The following GRM5 variants were observed in gnomAD, a reference collection of about 807,000 sequenced individuals.
GRM5 encodes metabotropic glutamate receptor 5.
GRM5 carries 19 observed loss-of-function variants against 83.1 expected under a neutral mutation model. The observed-to-expected ratio is 0.23, with a 90% CI of 0.16 to 0.34. The LOEUF is 0.34. Ranked by LOEUF, GRM5 falls within the 10% of genes least tolerant of loss-of-function variation. The probability of loss-of-function intolerance (pLI) is 1.00; values close to 1 mark genes in which losing one functional copy is unlikely to be tolerated. For missense variants in GRM5, 1,160 were observed against 1,588.3 expected (o/e 0.73, Z 4.58); for synonymous variants, 675 against 633.6 (o/e 1.07, Z -0.98).
chr11:88,850,204 C>T (rs1944365824), intron 2 of GRM5, 49 bp from the exon 3 acceptor site: 1 of 803,306 alleles, frequency 1.2e-6, no homozygotes, highest in Non-Finnish European at 2.1e-6. Context: ...GAGAGTGTTG[C>T]ATTAATTGGG....
intron 2 of GRM5, among the ~76,000 whole-genome samples, chr11:88,884,891 A>G (rs1179916266): frequency 6.6e-6 from 1 of 151,846 alleles, no homozygotes; most frequent in Middle Eastern, 3.2e-3. Context: ...AGTTCATTAA[A>G]CCTTTTTCCT....
chr11:88,747,796 C>G (rs1386908493), intron 3 of GRM5, among the ~76,000 whole-genome samples: 1 of 145,708 alleles, frequency 6.9e-6, no homozygotes, highest in Non-Finnish European at 1.5e-5. Flanking sequence ...GTTCAACCAC[C>G]TTCTGCTTAG....
At chr11:88,714,306 G>C (rs1941351409) in intron 3 of GRM5, among the ~76,000 whole-genome samples, 2 of 151,878 alleles carry the variant, frequency 1.3e-5, no homozygotes, top group Admixed American at 1.3e-4. Context: ...GGGGTAGGAA[G>C]GTTTCTCAGT....
chr11:88,537,630 T>C (rs1019824691), intron 8 of GRM5, among the ~76,000 whole-genome samples: 27 of 152,192 alleles, frequency 1.8e-4, no homozygotes, highest in Admixed American at 3.9e-4. Context: ...TATTATGCAG[T>C]ACTATTGCAA....
chr11:88,535,870 C>T (rs892023334), intron 8 of GRM5, among the ~76,000 whole-genome samples: 3 of 152,072 alleles, frequency 2.0e-5, no homozygotes, highest in African/African-American at 4.8e-5. Flanking sequence ...AAATAATGCT[C>T]CTTTCTGTAT....
chr11:88,578,535 C>T (rs368956112), intron 7 of GRM5, among the ~76,000 whole-genome samples: 4 of 152,242 alleles, frequency 2.6e-5, no homozygotes, highest in East Asian at 3.9e-4. Context: ...CATTTTTCAT[C>T]GAGTGGTTTC....
chr11:88,566,916 G>C, intron 8 of GRM5, 137 bp downstream of exon 8: 2 of 606,608 alleles, frequency 3.3e-6, no homozygotes, highest in Non-Finnish European at 5.8e-6. Flanking sequence ...CATTTTATGA[G>C]AAGGTCCATG....
At chr11:88,516,328 G>T (rs895946166) in intron 9 of GRM5, among the ~76,000 whole-genome samples, 17 of 152,086 alleles carry the variant, frequency 1.1e-4, no homozygotes, top group African/African-American at 4.1e-4. Context: ...CATTCCCATT[G>T]TCTGTGTACT....
chr11:88,818,328 A>G (rs920995171), intron 3 of GRM5, among the ~76,000 whole-genome samples: 1 of 152,100 alleles, frequency 6.6e-6, no homozygotes, highest in African/African-American at 2.4e-5. Flanking sequence ...AGCCTGTGAC[A>G]TTCCTCAAAT....
chr11:89,015,121 T>A (rs2135098003), intron 2 of GRM5, among the ~76,000 whole-genome samples: 1 of 152,374 alleles, frequency 6.6e-6, no homozygotes, highest in South Asian at 2.1e-4. Context: ...ACTTAATATT[T>A]ATTTGAACTT....
chr11:88,691,569 C>T (rs1940781179), intron 3 of GRM5, among the ~76,000 whole-genome samples: 1 of 152,180 alleles, frequency 6.6e-6, no homozygotes, highest in South Asian at 2.1e-4. Flanking sequence ...CTCACCTTCT[C>T]TTTGCTATGT....
At chr11:88,994,071 A>T (rs993483408) in intron 2 of GRM5, among the ~76,000 whole-genome samples, 1 of 152,132 alleles carries the variant, frequency 6.6e-6, no homozygotes, top group African/African-American at 2.4e-5. Flanking sequence ...GCATTCAGTT[A>T]CTAACAATGA....
intron 3 of GRM5, among the ~76,000 whole-genome samples, chr11:88,819,247 C>G (rs1943744519): frequency 6.6e-6 from 1 of 152,200 alleles, no homozygotes; most frequent in South Asian, 2.1e-4. Context: ...ACTGTGAACT[C>G]CAGCTTTCTC....
At chr11:88,950,793 T>G (rs1162964584) in intron 2 of GRM5, among the ~76,000 whole-genome samples, 1 of 152,220 alleles carries the variant, frequency 6.6e-6, no homozygotes, top group South Asian at 2.1e-4. Context: ...AAAACCAGTT[T>G]TATTGTTATC....
intron 2 of GRM5, among the ~76,000 whole-genome samples, chr11:88,915,365 G>A (rs192200828): frequency 2.6e-5 from 4 of 151,912 alleles, no homozygotes; most frequent in East Asian, 1.9e-4. Context: ...TTTAATGTGC[G>A]GCATAAGTTT....
At chr11:88,626,124 C>T (rs1261480029) in intron 4 of GRM5, among the ~76,000 whole-genome samples, 1 of 152,108 alleles carries the variant, frequency 6.6e-6, no homozygotes, top group African/African-American at 2.4e-5. Context: ...TTACAATTTA[C>T]ACCAAATATA....
intron 3 of GRM5, among the ~76,000 whole-genome samples, chr11:88,657,484 A>G (rs867262566): frequency 6.6e-6 from 1 of 152,170 alleles, no homozygotes; most frequent in Non-Finnish European, 1.5e-5. Flanking sequence ...TCACTAGCAG[A>G]TACTTAGATC....
chr11:88,812,056 A>C (rs1943598234), intron 3 of GRM5, among the ~76,000 whole-genome samples: 2 of 152,308 alleles, frequency 1.3e-5, no homozygotes, highest in African/African-American at 4.8e-5. Flanking sequence ...TACAAAAGGA[A>C]GGTGAAGTTA....
intron 2 of GRM5, among the ~76,000 whole-genome samples, chr11:88,966,441 A>G (rs915402876): frequency 7.9e-5 from 12 of 152,154 alleles, no homozygotes; most frequent in African/African-American, 2.9e-4. Context: ...ATAAAACTCT[A>G]GTCATACTGG....
Sources: gnomAD v4.1 joint callset for allele counts (sites outside exome capture counted in the v4.1 genomes callset) on GRCh38, gnomAD v4.1.1 for gene constraint, MANE v1.5 for transcripts, NCBI Gene and HGNC (gene_info 2026-07-23, HGNC 2026-07-21) for gene names.